Variants in CCDC30 observed in about 807,000 individuals in gnomAD.
The protein encoded by CCDC30 is coiled-coil domain-containing protein 30.
CCDC30 carries 70 observed loss-of-function variants against 100.2 expected under a neutral mutation model. That is an observed-to-expected ratio of 0.70 (90% CI 0.58 to 0.85). The LOEUF is 0.85. Ranked by LOEUF, CCDC30 falls within the 40% of genes least tolerant of loss-of-function variation. The pLI, the probability that CCDC30 is intolerant of heterozygous loss-of-function variation, is 0.00. For missense variants in CCDC30, 652 were observed against 771.2 expected (o/e 0.85, Z 1.83); for synonymous variants, 233 against 269.5 (o/e 0.86, Z 1.33).
intron 10 of CCDC30, chr1:42,595,650 T>G (rs1228251536): frequency 6.6e-6 from 1 of 152,204 alleles, no homozygotes; most frequent in Non-Finnish European, 1.5e-5. Flanking sequence ...TCCACGATAC[T>G]GATGATAGAA....
At chr1:42,576,074 T>A (rs1244103678) in intron 7 of CCDC30, among the ~76,000 whole-genome samples, 2 of 152,150 alleles carry the variant, frequency 1.3e-5, no homozygotes, top group African/African-American at 4.8e-5. Context: ...GCTGGTGGGA[T>A]CTGGAGTGAG....
intron 6 of CCDC30, among the ~76,000 whole-genome samples, chr1:42,514,423 T>C (rs1424359831): frequency 6.6e-6 from 1 of 152,216 alleles, no homozygotes; most frequent in Non-Finnish European, 1.5e-5. Flanking sequence ...TTTTTTATTA[T>C]AACCATCCTA....
upstream of CCDC30, chr1:42,459,462 G>T: frequency 1.3e-6 from 1 of 773,572 alleles, no homozygotes. Context: ...GTTCCCCTAA[G>T]ACTTTTTAAA....
the CCDC30 span, chr1:42,457,120 T>C: frequency 2.4e-5 from 38 of 1,576,236 alleles, no homozygotes; most frequent in African/African-American, 3.9e-4. Context: ...ACAGCCTTTC[T>C]TTCCAGCCAC....
chr1:42,490,071 A>C (rs1644113774), intron 3 of CCDC30, 87 bp from the exon 4 acceptor site: 2 of 453,134 alleles, frequency 4.4e-6, no homozygotes, highest in Non-Finnish European at 7.0e-6. Context: ...GGTGAAAGAA[A>C]GTGTTCCAGA....
intron 6 of CCDC30, among the ~76,000 whole-genome samples, chr1:42,519,681 A>G (rs780150208): frequency 2.6e-5 from 4 of 152,042 alleles, no homozygotes; most frequent in African/African-American, 4.8e-5. Context: ...GCTCCCAAGT[A>G]CCTGGGATTA....
At chr1:42,624,227 C>T (rs1646891262) in intron 11 of CCDC30, among the ~76,000 whole-genome samples, 1 of 152,086 alleles carries the variant, frequency 6.6e-6, no homozygotes, top group South Asian at 2.1e-4. Flanking sequence ...ATTGTTTCTT[C>T]TGTCCCCAGT....
exon 7 of CCDC30, chr1:42,566,380 C>T: frequency 1.9e-6 from 3 of 1,613,960 alleles, no homozygotes; most frequent in Non-Finnish European, 2.5e-6. Context: ...GCTCCAGATT[C>T]TATGCAACTC....
At chr1:42,564,529 G>T (rs935357573) in intron 6 of CCDC30, among the ~76,000 whole-genome samples, 3 of 73,710 alleles carry the variant, frequency 4.1e-5, no homozygotes, top group Non-Finnish European at 5.8e-5. Context: ...ACCTCCCAAA[G>T]TGCTAGCATT....
intron 7 of CCDC30, among the ~76,000 whole-genome samples, chr1:42,572,882 G>A (rs564037798): frequency 7.0e-4 from 107 of 152,180 alleles, no homozygotes; most frequent in Non-Finnish European, 1.3e-3. Context: ...GCCTCCCAAA[G>A]TGTGGGATTA....
chr1:42,617,151 TA>T (rs1205679087), intron 11 of CCDC30, among the ~76,000 whole-genome samples: 1 of 152,132 alleles, frequency 6.6e-6, no homozygotes, highest in Admixed American at 6.6e-5. Context: ...TTTTAAATAA[TA>T]AATTGGTCTG....
chr1:42,520,249 C>T (rs186258642), intron 6 of CCDC30, among the ~76,000 whole-genome samples: 19 of 145,790 alleles, frequency 1.3e-4, no homozygotes, highest in South Asian at 2.1e-4. Context: ...ACAAATTTCC[C>T]GCCTTCACTT....
upstream of CCDC30, chr1:42,460,056 A>G (rs72950592): frequency 1.5e-3 from 2,150 of 1,417,932 alleles, 28 homozygotes; most frequent in African/African-American, 0.026. Flanking sequence ...TGTGTAGGCA[A>G]ATATGGTTTG....
At chr1:42,637,765 G>A (rs1034911487) in intron 12 of CCDC30, among the ~76,000 whole-genome samples, 5 of 152,184 alleles carry the variant, frequency 3.3e-5, no homozygotes, top group African/African-American at 1.2e-4. Context: ...GAAAATAGGT[G>A]ATCCTTACTC....
intron 6 of CCDC30, among the ~76,000 whole-genome samples, chr1:42,535,987 C>G (rs1455338282): frequency 6.6e-6 from 1 of 151,186 alleles, no homozygotes; most frequent in African/African-American, 2.4e-5. Flanking sequence ...TGTAACATAT[C>G]TGAGCCTCAC....
chr1:42,642,984 C>T (rs920317152), intron 13 of CCDC30, among the ~76,000 whole-genome samples: 3 of 152,068 alleles, frequency 2.0e-5, no homozygotes, highest in African/African-American at 7.3e-5. Flanking sequence ...TTCATGAAAT[C>T]CACAGGATAT....
the CCDC30 span, chr1:42,457,127 C>A: frequency 1.7e-5 from 27 of 1,576,446 alleles, no homozygotes; most frequent in Non-Finnish European, 2.2e-5. Flanking sequence ...TTCTTTCCAG[C>A]CACTTATCCC....
chr1:42,581,934 T>C (rs965641758), intron 9 of CCDC30, among the ~76,000 whole-genome samples: 4 of 151,588 alleles, frequency 2.6e-5, no homozygotes, highest in Non-Finnish European at 4.4e-5. Context: ...AAATAAAAAA[T>C]ATATTGGCCA....
At chr1:42,493,438 A>AT (rs1453885339) in intron 4 of CCDC30, among the ~76,000 whole-genome samples, 1 of 152,090 alleles carries the variant, frequency 6.6e-6, no homozygotes, top group Admixed American at 6.6e-5. Context: ...AAATACAAAA[A>AT]TTAGCTGGGT....
Sources: allele counts gnomAD v4.1 joint callset (sites outside exome capture counted in the v4.1 genomes callset), GRCh38; gene constraint gnomAD v4.1.1; transcripts MANE v1.5; gene names NCBI Gene and HGNC (gene_info 2026-07-23, HGNC 2026-07-21).